The following EML4 variants were observed in gnomAD, a reference collection of about 807,000 sequenced individuals.
EML4 encodes echinoderm microtubule-associated protein-like 4.
A neutral mutation model predicts 129.0 loss-of-function variants in EML4; 72 were observed. The observed-to-expected ratio is 0.56, with a 90% CI of 0.46 to 0.68. The LOEUF is 0.68. EML4 is among the 30% of genes least tolerant of loss of function. EML4 has a pLI of 0.00. For missense variants in EML4, 1,363 were observed against 1,190.6 expected, an observed-to-expected ratio of 1.14 and a Z score of -2.13; for synonymous variants, 532 against 405.0, an observed-to-expected ratio of 1.31 and a Z score of -3.77.
chr2:42,297,391 G>A (rs62142594), intron 13 of EML4, among the ~76,000 whole-genome samples: 9,540 of 152,130 alleles, frequency 0.063, 416 homozygotes, highest in Non-Finnish European at 0.098. Context: ...TTCAGGTTGG[G>A]GACAGGAAGA....
rs377186164 is a variant in EML4, at chr2:42,329,957, C to T, written c.2696C>T (p.Thr899Ile). The change falls in exon 23 of 23, where the codon ACA becomes ATA. Residue 899 changes from threonine (T) to isoleucine (I), a missense_variant. Transcript: ENST00000318522. ...TESVIQSNTP[T>I]PPPSQPLNET... ...AGTGTCATCCAATCTAATACTCCCA[C>T]ACCGCCTCCTTCTCAGCCCTTAAAT... 1.2e-6 allele frequency: 2 copies of T among 1,614,056 alleles called. No homozygotes were observed. The highest frequency in any genetic ancestry group is 1.7e-6 in the Non-Finnish European group (2 of 1,180,024).
At chr2:42,268,520 C>G (rs1450025969) in intron 6 of EML4, among the ~76,000 whole-genome samples, 2 of 152,102 alleles carry the variant, frequency 1.3e-5, no homozygotes, top group Non-Finnish European at 2.9e-5. Context: ...TCACTGCAGC[C>G]TTGAACTCCG....
At chr2:42,210,051 CTTA>C (rs1026496264) in intron 1 of EML4, among the ~76,000 whole-genome samples, 1 of 152,142 alleles carries the variant, frequency 6.6e-6, no homozygotes, top group Non-Finnish European at 1.5e-5. Context: ...CCCCCATTCC[CTTA>C]TTATTAATAT....
At position 42,256,509 on chromosome 2, in the gene EML4, A is replaced by G. The variant is rs772732727; in HGVS notation, c.217A>G (p.Ser73Gly). 19 of 1,598,796 alleles carry G rather than the reference A, an allele frequency of 1.2e-5. No homozygotes were observed. In the Admixed American group the frequency reaches 1.4e-4, roughly 12 times the overall value. ...TCCTTAATTATCTTTAGGCCAACCA[A>G]GCCCTCGAGCAGTTATTCCCATGTC... is the stretch of plus-strand genomic sequence containing the variant. ...KKSVSSKGQPSPRAVIPMSCI... is the reference protein window; with the variant it reads ...KKSVSSKGQPGPRAVIPMSCI... Residue 73 changes from serine (S) to glycine (G), a missense_variant, in exon 3 of 23, where the codon AGC (serine) becomes GGC (glycine). Coordinates refer to ENST00000318522, the MANE Select transcript of EML4 (RefSeq NM_019063.5).
chr2:42,280,130 A>G (rs1666924353), intron 6 of EML4, among the ~76,000 whole-genome samples: 1 of 152,344 alleles, frequency 6.6e-6, no homozygotes, highest in East Asian at 1.9e-4. Flanking sequence ...TTCATCCAGT[A>G]GCGTGGTAGA....
At chr2:42,286,696 C>T (rs1184907731) in intron 10 of EML4, among the ~76,000 whole-genome samples, 1 of 152,174 alleles carries the variant, frequency 6.6e-6, no homozygotes, top group African/African-American at 2.4e-5. Context: ...TTCAGACAAG[C>T]AATAGGATGC....
chr2:42,245,094 C>CTTTTTTTTTCTTTCTTTTTTTTTTTTT (rs1675303544), intron 1 of EML4, among the ~76,000 whole-genome samples: 1 of 66,562 alleles, frequency 1.5e-5, no homozygotes, highest in African/African-American at 6.5e-5. Context: ...AATTTTCTTT[C>CTTTTTTTTTCTTTCTTTTTTTTTTTTT]TTTTTTTTTT....
chr2:42,196,158 C>G (rs921295126), intron 1 of EML4, among the ~76,000 whole-genome samples: 2 of 151,934 alleles, frequency 1.3e-5, no homozygotes, highest in Non-Finnish European at 2.9e-5. Flanking sequence ...TTCTCTGAAC[C>G]CTAGCGTTCA....
At position 42,190,670 on chromosome 2, in the gene EML4, G is replaced by C. The variant is rs984622459; in HGVS notation, c.25+21034G>C. Among the ~76,000 whole-genome samples the C allele has an allele frequency of 8.5e-5, 13 of 152,274 alleles. No homozygotes were observed. In the South Asian group the frequency reaches 1.7e-3, roughly 19 times the overall value. On this transcript the variant is annotated intron_variant, in intron 1 of 22. Transcript: ENST00000318522. ...AAATTACTTATGATCCTGACTTCCT[G>C]ACACAATAATTTTAAGTGTTTTGGT...
Position 42,284,674 on chromosome 2 carries a change from CA to C in EML4, c.983del (p.Gln328ArgfsTer2). The C allele has an allele frequency of 6.2e-7, 1 of 1,612,754 alleles. No individual in the cohort carries two copies. Among genetic ancestry groups the C allele is most frequent in the Non-Finnish European group, 8.5e-7 (1 of 1,179,366 alleles). The stretch of plus-strand genomic sequence containing the variant: ...TGACAAAATTAGGATTGCAACTGGA[CA>C]GATAGCTGGCGTGGATAAAGATGGA... ...HPDKIRIATGQIAGVDKDGRP... is the reference protein window; with the variant it reads ...HPDKIRIATGXIAGVDKDGRP... On this transcript the variant is annotated frameshift_variant, in exon 9 of 23. Coordinates refer to ENST00000318522, the MANE Select transcript of EML4 (RefSeq NM_019063.5). LOFTEE classifies it high-confidence loss of function.
At chr2:42,315,221 A>T (rs193139604) in intron 17 of EML4, among the ~76,000 whole-genome samples, 4 of 152,208 alleles carry the variant, frequency 2.6e-5, no homozygotes, top group African/African-American at 9.6e-5. Flanking sequence ...TTCCCTAAGG[A>T]TGTTTTTCTG....
At chr2:42,173,461 G>A (rs1310488176) in intron 1 of EML4, among the ~76,000 whole-genome samples, 3 of 152,098 alleles carry the variant, frequency 2.0e-5, no homozygotes, top group Non-Finnish European at 4.4e-5. Flanking sequence ...GATTAACATC[G>A]AACATGGGCT....
At chr2:42,189,767 A>G (rs1671474818) in intron 1 of EML4, among the ~76,000 whole-genome samples, 1 of 152,166 alleles carries the variant, frequency 6.6e-6, no homozygotes, top group Admixed American at 6.5e-5. Context: ...CTTTCAAAAT[A>G]CGGTGCTTTC....
intron 1 of EML4, among the ~76,000 whole-genome samples, chr2:42,222,778 G>A (rs958654590): frequency 3.4e-5 from 5 of 145,898 alleles, no homozygotes; most frequent in African/African-American, 1.2e-4. Flanking sequence ...GAAATATAAC[G>A]GTTCTTTTGT....
intron 1 of EML4, among the ~76,000 whole-genome samples, chr2:42,176,974 A>G (rs1670641580): frequency 6.6e-6 from 1 of 151,998 alleles, no homozygotes. Flanking sequence ...TTGTATTTTT[A>G]GTAGAGACGG....
intron 19 of EML4, among the ~76,000 whole-genome samples, chr2:42,323,487 T>A (rs1006109330): frequency 6.6e-6 from 1 of 152,320 alleles, no homozygotes; most frequent in South Asian, 2.1e-4. Context: ...TAAATATGTT[T>A]ATTTCCCATA....
At chr2:42,266,686 T>C (rs116062349) in intron 6 of EML4, among the ~76,000 whole-genome samples, 1,876 of 150,344 alleles carry the variant, frequency 0.012, 39 homozygotes, top group African/African-American at 0.044. Flanking sequence ...CGGCGGTATG[T>C]GATAGGAAGA....
At chr2:42,181,634 A>G (rs147067135) in intron 1 of EML4, among the ~76,000 whole-genome samples, 2 of 152,116 alleles carry the variant, frequency 1.3e-5, no homozygotes, top group East Asian at 1.9e-4. Flanking sequence ...GTCCATTACT[A>G]TTTATTTTGA....
At chr2:42,175,239 G>A (rs770068234) in intron 1 of EML4, among the ~76,000 whole-genome samples, 16 of 151,752 alleles carry the variant, frequency 1.1e-4, no homozygotes, top group Non-Finnish European at 2.1e-4. Context: ...CAAGCCTCCC[G>A]AGTAGCTGGG....
Sources: allele counts gnomAD v4.1 joint callset (sites outside exome capture counted in the v4.1 genomes callset), GRCh38; gene constraint gnomAD v4.1.1; transcripts MANE v1.5; gene names NCBI Gene and HGNC (gene_info 2026-07-23, HGNC 2026-07-21).